The following SUMF1 variants were observed in gnomAD, a reference collection of about 807,000 sequenced individuals.
SUMF1 encodes the protein sulfatase modifying factor 1, also known as formylglycine-generating enzyme.
In SUMF1, 48 loss-of-function variants were observed where a neutral mutation model predicts 47.6. That is an observed-to-expected ratio of 1.01 (90% confidence interval 0.80 to 1.28). SUMF1 has a LOEUF of 1.28. Ranked by LOEUF, SUMF1 falls within the 50% of genes most tolerant of loss-of-function variation. The pLI is 0.00. For missense variants in SUMF1, 571 were observed against 485.4 expected, an observed-to-expected ratio of 1.18 and a Z score of -1.66; for synonymous variants, 230 against 192.1, an observed-to-expected ratio of 1.20 and a Z score of -1.63.
intron 8 of SUMF1, among the ~76,000 whole-genome samples, chr3:4,104,670 C>CTCTCTCTG (rs763417195): frequency 6.7e-6 from 1 of 149,772 alleles, no homozygotes; most frequent in Non-Finnish European, 1.5e-5. Context: ...CTCGATTTCT[C>CTCTCTCTG]TCTCTCTCTC....
intron 8 of SUMF1, among the ~76,000 whole-genome samples, chr3:4,265,654 G>A (rs540509198): frequency 1.7e-4 from 26 of 152,088 alleles, no homozygotes; most frequent in South Asian, 8.3e-4. Flanking sequence ...AGTAGGTTGC[G>A]AAAATTTTCT....
At chr3:4,340,029 G>C (rs146631207) in intron 8 of SUMF1, among the ~76,000 whole-genome samples, 1 of 152,054 alleles carries the variant, frequency 6.6e-6, no homozygotes, top group Non-Finnish European at 1.5e-5. Context: ...AGTGAGCCAA[G>C]ATCGCACCAC....
At chr3:4,376,792 T>G (rs75615292) in intron 7 of SUMF1, among the ~76,000 whole-genome samples, 4,858 of 152,228 alleles carry the variant, frequency 0.032, 116 homozygotes, top group Non-Finnish European at 0.048. Flanking sequence ...GCATGGTATT[T>G]TTTGAAACAA....
intron 8 of SUMF1, among the ~76,000 whole-genome samples, chr3:4,295,456 T>C (rs1334111873): frequency 1.3e-5 from 2 of 151,818 alleles, no homozygotes; most frequent in Non-Finnish European, 2.9e-5. Flanking sequence ...TGGTGTGCCT[T>C]ATTATAGATG....
chr3:4,225,269 T>A lies in SUMF1; in HGVS notation c.1014+151061A>T, dbSNP rs76186334. ...GCCTCTCCTTGTCACAGCATCCCTGTCTATACTAAGTACCCCACAGGCCTC... is the reference window on the plus strand; with the variant it reads ...GCCTCTCCTTGTCACAGCATCCCTGACTATACTAAGTACCCCACAGGCCTC... On this transcript the variant is annotated intron_variant and NMD_transcript_variant, in intron 8 of 12. Transcript: ENST00000448413. Among the ~76,000 whole-genome samples, 3 of 152,204 alleles carry A rather than the reference T, an allele frequency of 2.0e-5. No homozygotes were observed. In the East Asian group the frequency reaches 5.8e-4, roughly 29 times the overall value.
intron 8 of SUMF1, among the ~76,000 whole-genome samples, chr3:4,104,486 C>T (rs1242673191): frequency 6.6e-6 from 1 of 152,070 alleles, no homozygotes. Flanking sequence ...GAGCCTGCAG[C>T]AGTGCATCTG....
intron 8 of SUMF1, among the ~76,000 whole-genome samples, chr3:4,300,408 A>G (rs1697939735): frequency 6.6e-6 from 1 of 152,224 alleles, no homozygotes; most frequent in Admixed American, 6.5e-5. Context: ...GTATTTCTTT[A>G]CAGCAACACA....
intron 8 of SUMF1, among the ~76,000 whole-genome samples, chr3:4,139,017 T>C (rs1167733429): frequency 6.6e-6 from 1 of 152,094 alleles, no homozygotes; most frequent in African/African-American, 2.4e-5. Context: ...AAATCAACCA[T>C]GCGGAAAGTA....
At chr3:4,407,280 G>C (rs1018487468) in intron 7 of SUMF1, among the ~76,000 whole-genome samples, 1 of 152,132 alleles carries the variant, frequency 6.6e-6, no homozygotes, top group African/African-American at 2.4e-5. Flanking sequence ...CACTGAAAAA[G>C]AAAAATATAT....
At chr3:4,039,208 AATTTTTTTTTTT>A (rs1003094358) in intron 9 of SUMF1, among the ~76,000 whole-genome samples, 3 of 46,166 alleles carry the variant, frequency 6.5e-5, no homozygotes, top group Non-Finnish European at 8.3e-5. Context: ...CATCTATGCA[AATTTTTTTTTTT>A]TTTTTTTTTT....
At chr3:4,363,175 G>GA (rs1362969262) in intron 8 of SUMF1, among the ~76,000 whole-genome samples, 1 of 151,976 alleles carries the variant, frequency 6.6e-6, no homozygotes, top group Non-Finnish European at 1.5e-5. Context: ...GATGGCCACT[G>GA]AAAAAATACT....
At chr3:4,093,045 G>C (rs558032083) in intron 8 of SUMF1, among the ~76,000 whole-genome samples, 1 of 152,206 alleles carries the variant, frequency 6.6e-6, no homozygotes, top group South Asian at 2.1e-4. Context: ...CTCTGCAATT[G>C]GGTAGACTGG....
intron 3 of SUMF1, among the ~76,000 whole-genome samples, chr3:4,423,606 A>C (rs1204290492): frequency 3.3e-5 from 5 of 152,220 alleles, no homozygotes; most frequent in Admixed American, 3.3e-4. Context: ...GTATGACTGA[A>C]GACAATTGGT....
chr3:4,410,886 A>G lies in SUMF1; in HGVS notation c.933T>C (p.Ser311=). 6.2e-7 allele frequency: 1 copy of G among 1,614,088 alleles called. No individual in the cohort carries two copies. Among genetic ancestry groups the G allele is most frequent in the Non-Finnish European group, 8.5e-7 (1 of 1,179,920 alleles). Residue 311 remains serine (S), a synonymous_variant, in exon 7 of 9, where the codon TCT becomes TCC. Coordinates refer to ENST00000272902, the MANE Select transcript of SUMF1 (RefSeq NM_182760.4). ...TCACTGGGTTAAGCGTTTCTTCAAC[A>G]GAATGATGAACAGTCCACCAGTCTG... ...WTSDWWTVHH[S]VEETLNPKGP...
chr3:4,046,202 A>C (rs2125020495), intron 9 of SUMF1, among the ~76,000 whole-genome samples: 1 of 152,272 alleles, frequency 6.6e-6, no homozygotes, highest in East Asian at 1.9e-4. Flanking sequence ...CAAGTGGCTG[A>C]GTGAGGTCAT....
intron 7 of SUMF1, among the ~76,000 whole-genome samples, chr3:4,406,130 T>C (rs1394586732): frequency 6.6e-6 from 1 of 152,126 alleles, no homozygotes; most frequent in Non-Finnish European, 1.5e-5. Context: ...TATAATTAGA[T>C]AGCCAAAACA....
At chr3:4,253,808 C>G (rs1027135156) in intron 8 of SUMF1, among the ~76,000 whole-genome samples, 2 of 147,690 alleles carry the variant, frequency 1.4e-5, no homozygotes. Context: ...CTCTGGGGGG[C>G]AGGGCACAGA....
chr3:4,205,430 C>T (rs1051717732), intron 8 of SUMF1, among the ~76,000 whole-genome samples: 11 of 152,174 alleles, frequency 7.2e-5, no homozygotes, highest in African/African-American at 1.4e-4. Context: ...TCTCTTCACA[C>T]GGACACATGA....
intron 8 of SUMF1, among the ~76,000 whole-genome samples, chr3:4,152,437 G>T (rs773784715): frequency 6.6e-6 from 1 of 150,842 alleles, no homozygotes; most frequent in African/African-American, 2.5e-5. Context: ...ACAGGCACAG[G>T]CCCCAACACC....
Sources: gnomAD v4.1 joint callset for allele counts (sites outside exome capture counted in the v4.1 genomes callset) on GRCh38, gnomAD v4.1.1 for gene constraint, MANE v1.5 for transcripts, NCBI Gene and HGNC (gene_info 2026-07-23, HGNC 2026-07-21) for gene names.